Variants in MAGI2 observed in about 807,000 individuals in gnomAD.
MAGI2 encodes membrane associated guanylate kinase, WW and PDZ domain containing 2.
MAGI2 carries 35 observed loss-of-function variants against 133.3 expected under a neutral mutation model. The ratio of observed to expected loss-of-function variants is 0.26; its 90% CI spans 0.20 to 0.35. MAGI2 has a LOEUF of 0.35. Among genes scored for constraint, MAGI2 ranks in the 10% least tolerant of loss-of-function variants. MAGI2 has a pLI of 1.00. For synonymous variants in MAGI2, 729 were observed against 710.6 expected (o/e 1.03, Z -0.41); for missense variants, 1,636 against 1,863.4 (o/e 0.88, Z 2.25).
intron 1 of MAGI2, among the ~76,000 whole-genome samples, chr7:79,007,759 T>C (rs923164889): frequency 2.0e-5 from 3 of 152,108 alleles, no homozygotes; most frequent in Middle Eastern, 3.2e-3. Flanking sequence ...TAGGATGGTA[T>C]AAAAAGTTAA....
At chr7:78,496,433 A>G (rs1376705971) in intron 5 of MAGI2, among the ~76,000 whole-genome samples, 1 of 152,206 alleles carries the variant, frequency 6.6e-6, no homozygotes, top group Non-Finnish European at 1.5e-5. Context: ...TGACTCCCAA[A>G]CAAAGAAGTA....
At chr7:78,313,712 G>A (rs999586285) in intron 9 of MAGI2, among the ~76,000 whole-genome samples, 8 of 151,508 alleles carry the variant, frequency 5.3e-5, no homozygotes, top group Non-Finnish European at 1.0e-4. Flanking sequence ...AGCACATTTT[G>A]TTTACTTTTT....
At chr7:79,371,151 T>G (rs1325847422) in intron 1 of MAGI2, among the ~76,000 whole-genome samples, 2 of 152,168 alleles carry the variant, frequency 1.3e-5, no homozygotes, top group Admixed American at 6.5e-5. Context: ...GATAACAGTT[T>G]ATTTATTCCT....
At chr7:79,264,341 T>C (rs185235077) in intron 1 of MAGI2, among the ~76,000 whole-genome samples, 39 of 152,294 alleles carry the variant, frequency 2.6e-4, no homozygotes, top group African/African-American at 8.2e-4. Context: ...AGTCAACAAT[T>C]AACTCAAAAT....
At chr7:78,854,421 T>A (rs139955184) in intron 2 of MAGI2, among the ~76,000 whole-genome samples, 53 of 152,226 alleles carry the variant, frequency 3.5e-4, no homozygotes, top group African/African-American at 1.3e-3. Context: ...AGGAAAAATT[T>A]AGAATTTTGT....
At chr7:79,060,348 A>G (rs1225054814) in intron 1 of MAGI2, among the ~76,000 whole-genome samples, 7 of 152,104 alleles carry the variant, frequency 4.6e-5, no homozygotes, top group African/African-American at 7.2e-5. Context: ...TTTCATGCAC[A>G]TATTTTTTTA....
intron 2 of MAGI2, among the ~76,000 whole-genome samples, chr7:78,824,436 C>T (rs1790447337): frequency 6.6e-6 from 1 of 152,198 alleles, no homozygotes; most frequent in African/African-American, 2.4e-5. Flanking sequence ...TCACCAACAT[C>T]TGTTCTTTCC....
chr7:78,795,778 G>A (rs57868514), intron 2 of MAGI2, among the ~76,000 whole-genome samples: 1,845 of 152,002 alleles, frequency 0.012, 31 homozygotes, highest in African/African-American at 0.043. Flanking sequence ...GCATGGTACC[G>A]GCATAAAAAC....
chr7:78,404,895 G>A (rs1797237450), intron 6 of MAGI2, among the ~76,000 whole-genome samples: 1 of 152,032 alleles, frequency 6.6e-6, no homozygotes, highest in Admixed American at 6.6e-5. Flanking sequence ...CTACAGAATG[G>A]GAGAAAATTT....
At chr7:79,255,152 C>T (rs1833593403) in intron 1 of MAGI2, among the ~76,000 whole-genome samples, 1 of 152,190 alleles carries the variant, frequency 6.6e-6, no homozygotes. Flanking sequence ...ATTATACTTA[C>T]TTACAAACAC....
At chr7:78,644,291 A>G (rs1810614538) in intron 2 of MAGI2, among the ~76,000 whole-genome samples, 1 of 152,138 alleles carries the variant, frequency 6.6e-6, no homozygotes, top group African/African-American at 2.4e-5. Context: ...TAGTAAAGTT[A>G]TAGACCTGAA....
chr7:78,576,985 A>T (rs920991982), intron 3 of MAGI2, among the ~76,000 whole-genome samples: 4 of 152,214 alleles, frequency 2.6e-5, no homozygotes, highest in African/African-American at 9.6e-5. Context: ...CAACTTTGTT[A>T]AAACAAAGTT....
chr7:78,411,772 A>G (rs1472468544), intron 6 of MAGI2, among the ~76,000 whole-genome samples: 1 of 152,020 alleles, frequency 6.6e-6, no homozygotes, highest in Non-Finnish European at 1.5e-5. Context: ...AATAGTTCTT[A>G]AGGTACTATG....
At chr7:78,573,227 AATATAAATATATAT>A (rs1563188160) in intron 3 of MAGI2, among the ~76,000 whole-genome samples, 12 of 58,970 alleles carry the variant, frequency 2.0e-4, no homozygotes, top group African/African-American at 7.8e-4. Flanking sequence ...AATATATATA[AATATAAATATATAT>A]ATATAAATAT....
At chr7:79,073,086 A>G (rs1005703910) in intron 1 of MAGI2, among the ~76,000 whole-genome samples, 1 of 152,192 alleles carries the variant, frequency 6.6e-6, no homozygotes, top group African/African-American at 2.4e-5. Flanking sequence ...ATGCTGTATA[A>G]AAAAAGAGCT....
At chr7:79,305,871 T>C (rs941077968) in intron 1 of MAGI2, among the ~76,000 whole-genome samples, 2 of 152,086 alleles carry the variant, frequency 1.3e-5, no homozygotes, top group African/African-American at 4.8e-5. Context: ...CAGTGAGATA[T>C]GATCATGGCA....
At chr7:78,394,584 T>C (rs1416756855) in intron 6 of MAGI2, among the ~76,000 whole-genome samples, 1 of 152,200 alleles carries the variant, frequency 6.6e-6, no homozygotes, top group Non-Finnish European at 1.5e-5. Flanking sequence ...TTCAGCTACA[T>C]GTTTCCCTTC....
rs572916389 is a variant in MAGI2, at chr7:79,428,174, A to G, written c.301+24846T>C. Among the ~76,000 whole-genome samples the G allele has an allele frequency of 3.3e-5, 5 of 152,284 alleles. No homozygotes were observed. The East Asian group carries it at 7.7e-4, about 24-fold the overall frequency. ...GGAAATGTCCAGAGAACAGCTGGAA[A>G]CCATGACTAGTGCAAGAGAGGACTG... is the stretch of plus-strand genomic sequence containing the variant. On this transcript the variant is annotated intron_variant, in intron 1 of 21. Transcript: ENST00000354212.
chr7:78,961,073 T>C (rs945860161), intron 2 of MAGI2, among the ~76,000 whole-genome samples: 3 of 152,114 alleles, frequency 2.0e-5, no homozygotes, highest in Non-Finnish European at 2.9e-5. Context: ...AGGCCTTAGC[T>C]CTTGGAATTA....
Sources: allele counts gnomAD v4.1 joint callset (sites outside exome capture counted in the v4.1 genomes callset), GRCh38; gene constraint gnomAD v4.1.1; transcripts MANE v1.5; gene names NCBI Gene and HGNC (gene_info 2026-07-23, HGNC 2026-07-21).